CMIP: variants seen among roughly 807,000 people sequenced by gnomAD.
The protein encoded by CMIP is C-Maf-inducing protein.
CMIP carries 13 observed loss-of-function variants against 97.3 expected under a neutral mutation model. That is an observed-to-expected ratio of 0.13 (90% CI 0.09 to 0.21). The LOEUF (loss-of-function observed/expected upper bound fraction) is 0.21. Ranked by LOEUF, CMIP falls within the 10% of genes least tolerant of loss-of-function variation. The pLI is 1.00. For missense variants in CMIP, 847 were observed against 1,024.9 expected (o/e 0.83, Z 2.37); for synonymous variants, 538 against 436.3 (o/e 1.23, Z -2.91).
intron 1 of CMIP, among the ~76,000 whole-genome samples, chr16:81,532,834 G>A (rs1292953099): frequency 6.6e-6 from 1 of 152,154 alleles, no homozygotes; most frequent in African/African-American, 2.4e-5. Context: ...GACACACCGT[G>A]TTGCCTCCTG....
intron 3 of CMIP, chr16:81,645,817 G>A: frequency 1.7e-6 from 1 of 591,546 alleles, no homozygotes. Flanking sequence ...GTTTAGCCAG[G>A]AACTGAGCTA....
At chr16:81,576,893 C>T (rs900364302) in intron 1 of CMIP, among the ~76,000 whole-genome samples, 4 of 152,074 alleles carry the variant, frequency 2.6e-5, no homozygotes, top group African/African-American at 4.8e-5. Flanking sequence ...AGTACTTGGT[C>T]GTAGTGGAGG....
At chr16:81,530,266 A>T (rs184358627) in intron 1 of CMIP, among the ~76,000 whole-genome samples, 7 of 152,226 alleles carry the variant, frequency 4.6e-5, no homozygotes, top group Admixed American at 3.9e-4. Context: ...ATACTTTATT[A>T]CCCCAGGCGA....
intron 2 of CMIP, among the ~76,000 whole-genome samples, chr16:81,610,968 G>A (rs913452861): frequency 6.6e-6 from 1 of 152,098 alleles, no homozygotes; most frequent in African/African-American, 2.4e-5. Flanking sequence ...TGGGAGAGGG[G>A]ACCAAGAAAC....
At chr16:81,633,739 G>T (rs1462825332) in intron 3 of CMIP, among the ~76,000 whole-genome samples, 4 of 152,218 alleles carry the variant, frequency 2.6e-5, no homozygotes, top group Non-Finnish European at 5.9e-5. Context: ...GGCCAGGGTG[G>T]TTTGTTTCCA....
At chr16:81,527,913 T>C (rs1393051142) in intron 1 of CMIP, among the ~76,000 whole-genome samples, 2 of 152,234 alleles carry the variant, frequency 1.3e-5, no homozygotes, top group Non-Finnish European at 2.9e-5. Flanking sequence ...TTTTTGGGAA[T>C]GTGTGCATGA....
intron 1 of CMIP, among the ~76,000 whole-genome samples, chr16:81,459,735 A>G (rs1906790449): frequency 6.6e-6 from 1 of 152,134 alleles, no homozygotes; most frequent in African/African-American, 2.4e-5. Flanking sequence ...TCTGGATTTT[A>G]TAGACTTCCA....
intron 1 of CMIP, among the ~76,000 whole-genome samples, chr16:81,517,598 AT>A (rs759675812): frequency 1.3e-5 from 2 of 152,206 alleles, no homozygotes; most frequent in East Asian, 1.9e-4. Context: ...TATTATTCAA[AT>A]TGTAATGACA....
intron 3 of CMIP, among the ~76,000 whole-genome samples, chr16:81,642,551 G>C (rs1307046934): frequency 6.6e-6 from 1 of 152,196 alleles, no homozygotes; most frequent in Non-Finnish European, 1.5e-5. Context: ...CACGGGGACA[G>C]GGCAAAAAGC....
intron 1 of CMIP, among the ~76,000 whole-genome samples, chr16:81,446,473 TTG>T (rs1393332204): frequency 2.0e-5 from 3 of 151,870 alleles, no homozygotes; most frequent in Non-Finnish European, 4.4e-5. Context: ...ACAGGATGCT[TTG>T]TGTTTTGAAA....
intron 2 of CMIP, chr16:81,619,746 C>T (rs1033482688): frequency 3.9e-5 from 6 of 152,228 alleles, no homozygotes; most frequent in Non-Finnish European, 7.3e-5. Context: ...TGTCTGTGAA[C>T]ACTCAGGAAA....
rs1555549305 is a variant in CMIP, at chr16:81,678,641, C to CT, written c.1388+13_1388+14insT. ...TCCTCAAGCTGCTGTGAGTGCCCCCCCCGCGTGCCCGCCCCCGGGGCCGGT... is the reference window on the plus strand; with the variant it reads ...TCCTCAAGCTGCTGTGAGTGCCCCCCTCCGCGTGCCCGCCCCCGGGGCCGGT... On this transcript the variant is annotated intron_variant, in intron 10 of 20. Coordinates refer to ENST00000537098, the MANE Select transcript of CMIP (RefSeq NM_198390.3). The CT allele has an allele frequency of 1.1e-5, 15 of 1,318,112 alleles. No homozygotes were observed. The highest frequency in any genetic ancestry group is 4.3e-5 in the African/African-American group (3 of 69,664). 81.7% of individuals were successfully genotyped at this position (1,318,112 alleles called of 1,614,324 possible).
chr16:81,529,552 T>C (rs1266762077), intron 1 of CMIP, among the ~76,000 whole-genome samples: 2 of 152,172 alleles, frequency 1.3e-5, no homozygotes, highest in Non-Finnish European at 2.9e-5. Flanking sequence ...AAATGGAATA[T>C]GCTGCCTGCA....
chr16:81,556,629 CAG>C (rs2090769904), intron 1 of CMIP, among the ~76,000 whole-genome samples: 1 of 152,134 alleles, frequency 6.6e-6, no homozygotes, highest in South Asian at 2.1e-4. Context: ...TCGATGGGGA[CAG>C]AGTTTGAGTT....
chr16:81,496,358 C>T (rs1416376552), intron 1 of CMIP, among the ~76,000 whole-genome samples: 1 of 152,064 alleles, frequency 6.6e-6, no homozygotes, highest in Non-Finnish European at 1.5e-5. Flanking sequence ...TACTTGGGGG[C>T]GATGGATGGG....
At chr16:81,465,175 A>T (rs1907126681) in intron 1 of CMIP, among the ~76,000 whole-genome samples, 1 of 152,250 alleles carries the variant, frequency 6.6e-6, no homozygotes, top group Non-Finnish European at 1.5e-5. Flanking sequence ...AACAGAAGAA[A>T]ACCAAATCCA....
intron 1 of CMIP, among the ~76,000 whole-genome samples, chr16:81,500,847 T>TTTCTTTCCTTCC (rs1168667012): frequency 1.3e-5 from 2 of 152,236 alleles, no homozygotes; most frequent in Non-Finnish European, 1.5e-5. Flanking sequence ...CCCTTCCTTC[T>TTTCTTTCCTTCC]TTCTTTCCTT....
rs957950444 is a variant in CMIP, at chr16:81,616,085, G to A, written c.427-4791G>A. Among the ~76,000 whole-genome samples the A allele has an allele frequency of 6.6e-6, 1 of 151,970 alleles. No individual in the cohort carries two copies. Among genetic ancestry groups the A allele is most frequent in the Non-Finnish European group, 1.5e-5 (1 of 68,008 alleles). ...CTGGAAGGAGGCGCAGGAGAGTTCC[G>A]CATCGAGACTGTCCTCAGCCCGGCA... On this transcript the variant is annotated intron_variant, in intron 2 of 20. Coordinates refer to ENST00000537098, the MANE Select transcript of CMIP (RefSeq NM_198390.3). This position sits in a 1 kb window ranked among gnomAD's most constrained non-coding sequence, Gnocchi z 4.7.
At chr16:81,686,808 T>C (rs189660501) in intron 10 of CMIP, among the ~76,000 whole-genome samples, 176 of 152,242 alleles carry the variant, frequency 1.2e-3, no homozygotes, top group African/African-American at 3.6e-3. Context: ...CCCGTTTCTA[T>C]GTAAGGCACA....
Sources: gnomAD v4.1 joint callset for allele counts (sites outside exome capture counted in the v4.1 genomes callset) on GRCh38, gnomAD v4.1.1 for gene constraint, Gnocchi (gnomAD v3.1) non-coding constraint, MANE v1.5 for transcripts, NCBI Gene and HGNC (gene_info 2026-07-23, HGNC 2026-07-21) for gene names.